The following RGS20 variants were observed in gnomAD, a reference collection of about 807,000 sequenced individuals.
The protein encoded by RGS20 is regulator of G protein signaling 20.
A neutral mutation model predicts 33.6 loss-of-function variants in RGS20; 30 were observed. That is an observed-to-expected ratio of 0.89 (90% CI 0.67 to 1.21). The LOEUF is 1.21. Among genes scored for constraint, RGS20 ranks in the 50% most tolerant of loss-of-function variants. The pLI, the probability that RGS20 is intolerant of heterozygous loss-of-function variation, is 0.00. For missense variants in RGS20, 472 were observed against 502.4 expected (o/e 0.94, Z 0.58); for synonymous variants, 208 against 197.9 (o/e 1.05, Z -0.43).
intron 1 of RGS20, among the ~76,000 whole-genome samples, chr8:53,863,499 C>T (rs1186209818): frequency 1.3e-5 from 2 of 152,088 alleles, no homozygotes; most frequent in African/African-American, 4.8e-5. Context: ...TGCAGCACTT[C>T]GAACCAGTGC....
intron 1 of RGS20, among the ~76,000 whole-genome samples, chr8:53,855,446 G>A (rs1811651153): frequency 6.6e-6 from 1 of 152,190 alleles, no homozygotes; most frequent in Non-Finnish European, 1.5e-5. Flanking sequence ...AGGTAGGGTG[G>A]TGGATATAGC....
At chr8:53,896,647 C>T (rs1462079853) in intron 2 of RGS20, among the ~76,000 whole-genome samples, 1 of 152,026 alleles carries the variant, frequency 6.6e-6, no homozygotes, top group Non-Finnish European at 1.5e-5. Flanking sequence ...AAAGACAGAC[C>T]AGAAAACCAA....
In RGS20 at chr8:53,944,854, C is replaced by T. The variant is rs561472567; in HGVS notation, c.660-1811C>T. On this transcript the variant is annotated intron_variant, in intron 3 of 5. Coordinates refer to ENST00000297313, the MANE Select transcript of RGS20 (RefSeq NM_170587.4). ...AAGATGTACAAATAGCTAGTAAATG[C>T]ATGAAAAGATGTTCCACATCAGTAG... 3.0e-4 allele frequency among the ~76,000 whole-genome samples: 46 copies of T among 152,230 alleles called. 1 individual carries two copies. The South Asian group carries it at 9.1e-3, about 30-fold the overall frequency.
At chr8:53,953,864 T>C (rs1585965433) in intron 4 of RGS20, among the ~76,000 whole-genome samples, 1 of 152,362 alleles carries the variant, frequency 6.6e-6, no homozygotes, top group East Asian at 1.9e-4. Context: ...AGCCTTTTGG[T>C]ATGCAATCCA....
intron 5 of RGS20, among the ~76,000 whole-genome samples, chr8:53,955,596 G>A (rs1319869077): frequency 2.0e-5 from 3 of 152,114 alleles, no homozygotes; most frequent in African/African-American, 4.8e-5. Context: ...TTGGCAGGCC[G>A]AGGCAGGTGG....
At chr8:53,883,391 C>A (rs761027655) in intron 2 of RGS20, among the ~76,000 whole-genome samples, 1 of 151,836 alleles carries the variant, frequency 6.6e-6, no homozygotes, top group Admixed American at 6.6e-5. Flanking sequence ...CTTGAACTCC[C>A]GGCCTCAGGT....
intron 2 of RGS20, among the ~76,000 whole-genome samples, chr8:53,935,524 G>T (rs1345538811): frequency 6.6e-6 from 1 of 151,904 alleles, no homozygotes; most frequent in Non-Finnish European, 1.5e-5. Flanking sequence ...ATAAATTCCT[G>T]GACACATACA....
chr8:53,907,603 T>C (rs892115500), intron 2 of RGS20, among the ~76,000 whole-genome samples: 3 of 151,946 alleles, frequency 2.0e-5, no homozygotes, highest in Admixed American at 2.0e-4. Flanking sequence ...AAAAAAGATT[T>C]AAAGAATCTT....
At chr8:53,878,630 T>A (rs1187759149) in intron 1 of RGS20, among the ~76,000 whole-genome samples, 1 of 152,110 alleles carries the variant, frequency 6.6e-6, no homozygotes, top group South Asian at 2.1e-4. Context: ...ACAGCCGCAC[T>A]GGCCAGTCCC....
chr8:53,878,536 T>C (rs981846653), intron 1 of RGS20, among the ~76,000 whole-genome samples: 2 of 152,044 alleles, frequency 1.3e-5, no homozygotes, highest in African/African-American at 2.4e-5. Flanking sequence ...ACATGGAGTT[T>C]GGAAAGGAGG....
intron 1 of RGS20, among the ~76,000 whole-genome samples, chr8:53,853,737 C>T (rs1811615931): frequency 6.6e-6 from 1 of 152,162 alleles, no homozygotes; most frequent in African/African-American, 2.4e-5. Context: ...TATGCTCCCT[C>T]CTTTCTAGAG....
intron 3 of RGS20, among the ~76,000 whole-genome samples, chr8:53,941,948 T>C (rs1814309338): frequency 6.6e-6 from 1 of 152,026 alleles, no homozygotes; most frequent in South Asian, 2.1e-4. Context: ...TATTCCTACA[T>C]AGCACCATAT....
intron 1 of RGS20, among the ~76,000 whole-genome samples, chr8:53,868,508 A>G (rs1199243483): frequency 6.6e-6 from 1 of 152,196 alleles, no homozygotes; most frequent in Non-Finnish European, 1.5e-5. Flanking sequence ...AGGAGGGAGT[A>G]GTTATTGATA....
intron 2 of RGS20, 150 bp from the exon 2 acceptor site, chr8:53,939,426 T>C (rs1814223259): frequency 2.7e-6 from 2 of 734,162 alleles, no homozygotes; most frequent in Non-Finnish European, 4.0e-6. Context: ...CCTAAGATTC[T>C]AAGCACTAAA....
chr8:53,903,029 A>G (rs1210267699), intron 2 of RGS20, among the ~76,000 whole-genome samples: 3 of 152,180 alleles, frequency 2.0e-5, no homozygotes, highest in South Asian at 2.1e-4. Context: ...GCCCAGCCCA[A>G]AATGATTGAT....
intron 3 of RGS20, among the ~76,000 whole-genome samples, chr8:53,945,075 C>T (rs980564485): frequency 2.6e-5 from 4 of 152,154 alleles, no homozygotes; most frequent in African/African-American, 9.7e-5. Flanking sequence ...ACTCAAGTTA[C>T]CATATGACTC....
chr8:53,924,588 C>T (rs1298312312), intron 2 of RGS20, among the ~76,000 whole-genome samples: 4 of 152,120 alleles, frequency 2.6e-5, no homozygotes, highest in Non-Finnish European at 4.4e-5. Context: ...CCTCCCAAAG[C>T]ACTGGGATAA....
rs1051519608 is a variant in RGS20, at chr8:53,958,594, A to C, written c.*136A>C. 4 of 418,278 alleles carry C rather than the reference A, an allele frequency of 9.6e-6. No individual in the cohort carries two copies. Among genetic ancestry groups the C allele is most frequent in the Non-Finnish European group, 1.6e-5 (4 of 249,114 alleles). 25.9% of individuals were successfully genotyped at this position (418,278 alleles called of 1,614,324 possible). On this transcript the variant is annotated 3_prime_UTR_variant, in exon 6 of 6. Coordinates refer to ENST00000297313, the MANE Select transcript of RGS20 (RefSeq NM_170587.4). The stretch of plus-strand genomic sequence containing the variant: ...TATTCTAATAACAGATGATTCCTTC[A>C]ACAGACTGCTATATATTCACCATGT...
chr8:53,868,650 G>GT (rs1214214818), intron 1 of RGS20, among the ~76,000 whole-genome samples: 1 of 150,780 alleles, frequency 6.6e-6, no homozygotes, highest in African/African-American at 2.5e-5. Flanking sequence ...AGCTTCACTG[G>GT]TAAATATATA....
Sources: gnomAD v4.1 joint callset for allele counts (sites outside exome capture counted in the v4.1 genomes callset) on GRCh38, gnomAD v4.1.1 for gene constraint, MANE v1.5 for transcripts, NCBI Gene and HGNC (gene_info 2026-07-23, HGNC 2026-07-21) for gene names.